The following MAP3K7 variants were observed in gnomAD, a reference collection of about 807,000 sequenced individuals.
MAP3K7 encodes the protein mitogen-activated protein kinase kinase kinase 7, also known as TGF-beta activated kinase 1.
MAP3K7 carries 21 observed loss-of-function variants against 84.8 expected under a neutral mutation model. That is an observed-to-expected ratio of 0.25 (90% CI 0.18 to 0.36). The LOEUF is 0.36. Ranked by LOEUF, MAP3K7 falls within the 10% of genes least tolerant of loss-of-function variation. The pLI, the probability that MAP3K7 is intolerant of heterozygous loss-of-function variation, is 1.00. For missense variants in MAP3K7, 503 were observed against 747.7 expected (o/e 0.67, Z 3.82); for synonymous variants, 241 against 247.7 (o/e 0.97, Z 0.25).
Position 90,587,003 on chromosome 6 carries a change from G to A in MAP3K7, c.-120C>T. 1 of 1,210,580 alleles carries A rather than the reference G, an allele frequency of 8.3e-7. No homozygotes were observed. The highest frequency in any genetic ancestry group is 1.1e-6 in the Non-Finnish European group (1 of 922,914). The allele number at this position is 1,210,580 out of a possible 1,614,324, so 75.0% of individuals were successfully genotyped here. ...TGGAGCCGCGCAGTCCTACTACCCG[G>A]CGATCCGTGGCGGGGGTAGAGGCAG... On this transcript the variant is annotated 5_prime_UTR_variant, in exon 1 of 17. Coordinates refer to ENST00000369329, the MANE Select transcript of MAP3K7 (RefSeq NM_145331.3).
At chr6:90,544,438 C>T in intron 12 of MAP3K7, 114 bp downstream of exon 12, 1 of 856,406 alleles carries the variant, frequency 1.2e-6, no homozygotes, top group East Asian at 2.5e-5. Flanking sequence ...TTACTGCATG[C>T]AAGGTATCCA....
chr6:90,580,560 A>G (rs571171325), intron 1 of MAP3K7, among the ~76,000 whole-genome samples: 1 of 152,292 alleles, frequency 6.6e-6, no homozygotes, highest in South Asian at 2.1e-4. Context: ...GCCTCATACA[A>G]TCTCCCACCT....
At chr6:90,556,186 T>C (rs972286161) in intron 6 of MAP3K7, among the ~76,000 whole-genome samples, 3 of 152,244 alleles carry the variant, frequency 2.0e-5, no homozygotes, top group Non-Finnish European at 2.9e-5. Flanking sequence ...AAGCACTGTC[T>C]GCAAATAACC....
At chr6:90,574,154 T>A (rs1776995322) in intron 1 of MAP3K7, among the ~76,000 whole-genome samples, 1 of 152,228 alleles carries the variant, frequency 6.6e-6, no homozygotes, top group Non-Finnish European at 1.5e-5. Flanking sequence ...TTTTCCTTCA[T>A]GAATATCTAC....
At chr6:90,586,196 C>T (rs1160385222) in intron 1 of MAP3K7, among the ~76,000 whole-genome samples, 9 of 151,420 alleles carry the variant, frequency 5.9e-5, no homozygotes, top group Non-Finnish European at 1.2e-4. Context: ...CAAGGTGAAA[C>T]CCCGTCTCTA....
chr6:90,523,558 T>C (rs767635444), intron 14 of MAP3K7, 120 bp downstream of exon 14: 90 of 551,902 alleles, frequency 1.6e-4, no homozygotes, highest in Non-Finnish European at 2.6e-4. Context: ...GTTTATTTAA[T>C]ATAAAAATCT....
chr6:90,537,751 C>T (rs1043266883), intron 12 of MAP3K7, among the ~76,000 whole-genome samples: 8 of 151,946 alleles, frequency 5.3e-5, no homozygotes, highest in African/African-American at 1.7e-4. Context: ...TTTCTGAATA[C>T]TTTCAACTAC....
At position 90,586,936 on chromosome 6, in the gene MAP3K7, G is replaced by A; in HGVS notation, c.-53C>T. 1.3e-6 allele frequency: 2 copies of A among 1,524,268 alleles called. No individual in the cohort carries two copies. The highest frequency in any genetic ancestry group is 1.7e-6 in the Non-Finnish European group (2 of 1,144,110). The allele number at this position is 1,524,268 out of a possible 1,614,324, so 94.4% of individuals were successfully genotyped here. A position where few individuals can be genotyped will look rare whatever the true frequency, so the allele number is the denominator to read the frequency against. On this transcript the variant is annotated 5_prime_UTR_variant, in exon 1 of 17. Transcript: ENST00000369329. Reference sequence around the variant, plus strand: ...GGAACGGTGCCACCCGGACAATCCGGGTGAGACCCGCGCCCACCCGCCTCC... The same window carrying A: ...GGAACGGTGCCACCCGGACAATCCGAGTGAGACCCGCGCCCACCCGCCTCC...
At chr6:90,519,126 A>G in intron 15 of MAP3K7, 132 bp downstream of exon 15, 1 of 600,054 alleles carries the variant, frequency 1.7e-6, no homozygotes. Flanking sequence ...ATTTGATTCT[A>G]AAAAGTTTAA....
At chr6:90,550,700 C>A in intron 8 of MAP3K7, 151 bp from the exon 9 acceptor site, 1 of 527,882 alleles carries the variant, frequency 1.9e-6, no homozygotes, top group Non-Finnish European at 3.3e-6. Flanking sequence ...TCTTGGATTT[C>A]AACTTTGATC....
At chr6:90,549,160 T>C (rs147981729) in intron 9 of MAP3K7, among the ~76,000 whole-genome samples, 3 of 152,124 alleles carry the variant, frequency 2.0e-5, no homozygotes, top group Non-Finnish European at 4.4e-5. Flanking sequence ...GCCAGAAGTA[T>C]GGATAGTTTA....
chr6:90,518,590 T>A, intron 15 of MAP3K7, 28 bp from the exon 16 acceptor site: 1 of 1,183,464 alleles, frequency 8.4e-7, no homozygotes, highest in Non-Finnish European at 1.3e-6. Context: ...TGTTAAAACA[T>A]AATTAAATCA....
intron 3 of MAP3K7, among the ~76,000 whole-genome samples, chr6:90,565,171 A>T (rs577520623): frequency 6.6e-6 from 1 of 152,228 alleles, no homozygotes; most frequent in East Asian, 1.9e-4. Context: ...GAGCAAACAC[A>T]TTCAAAAGTT....
intron 1 of MAP3K7, among the ~76,000 whole-genome samples, chr6:90,581,444 G>GT (rs1348773488): frequency 6.6e-6 from 1 of 152,142 alleles, no homozygotes; most frequent in Non-Finnish European, 1.5e-5. Context: ...CTCCAACTAT[G>GT]TTAGAACTTC....
intron 3 of MAP3K7, among the ~76,000 whole-genome samples, chr6:90,564,131 C>T (rs1363813444): frequency 6.6e-6 from 1 of 152,170 alleles, no homozygotes; most frequent in East Asian, 1.9e-4. Flanking sequence ...ATTGTAAAGA[C>T]CATTGATGCC....
intron 13 of MAP3K7, among the ~76,000 whole-genome samples, chr6:90,529,983 T>A (rs62409064): frequency 0.043 from 6,591 of 152,316 alleles, 183 homozygotes; most frequent in South Asian, 0.066. Context: ...AACAACGACA[T>A]ACACCAAAGA....
intron 6 of MAP3K7, among the ~76,000 whole-genome samples, chr6:90,555,342 G>A (rs1275978728): frequency 1.3e-5 from 2 of 151,472 alleles, no homozygotes; most frequent in African/African-American, 2.4e-5. Context: ...TGCATGCTCC[G>A]CCTCCCGGGT....
intron 13 of MAP3K7, among the ~76,000 whole-genome samples, chr6:90,528,655 G>A (rs9345026): frequency 0.027 from 4,112 of 151,978 alleles, 68 homozygotes; most frequent in Middle Eastern, 0.044. Flanking sequence ...CATATTTATG[G>A]GGCACATGAG....
intron 1 of MAP3K7, among the ~76,000 whole-genome samples, chr6:90,584,707 T>C (rs1777384992): frequency 6.6e-6 from 1 of 152,164 alleles, no homozygotes; most frequent in Admixed American, 6.5e-5. Flanking sequence ...AAGAACCAAA[T>C]GAAGTAAGTT....
Sources: allele counts gnomAD v4.1 joint callset (sites outside exome capture counted in the v4.1 genomes callset), GRCh38; gene constraint gnomAD v4.1.1; transcripts MANE v1.5; gene names NCBI Gene and HGNC (gene_info 2026-07-23, HGNC 2026-07-21).